EEA1: variants seen among roughly 807,000 people sequenced by gnomAD.
EEA1 encodes the protein early endosome antigen 1.
Under a neutral mutation model 209.2 loss-of-function variants are expected in EEA1, and 111 were observed. The ratio of observed to expected loss-of-function variants is 0.53; its 90% CI spans 0.45 to 0.62. The LOEUF (loss-of-function observed/expected upper bound fraction) is 0.62. Ranked by LOEUF, EEA1 falls within the 20% of genes least tolerant of loss-of-function variation. The pLI is 0.00. For missense variants in EEA1, 1,343 were observed against 1,530.8 expected (o/e 0.88, Z 2.05); for synonymous variants, 536 against 540.6 (o/e 0.99, Z 0.12).
chr12:92,775,989 A>T lies in EEA1; in HGVS notation c.*22T>A. 1 of 1,606,526 alleles carries T rather than the reference A, an allele frequency of 6.2e-7. No homozygotes were observed. Among genetic ancestry groups the T allele is most frequent in the Non-Finnish European group, 8.5e-7 (1 of 1,175,964 alleles). ...AAAAATCTAATGTTAGTGTAATATT[A>T]CTCTGAAGTTGTGATAACCCATTAT... On this transcript the variant is annotated 3_prime_UTR_variant, in exon 29 of 29. Coordinates refer to ENST00000322349, the MANE Select transcript of EEA1 (RefSeq NM_003566.4).
intron 1 of EEA1, among the ~76,000 whole-genome samples, chr12:92,914,686 A>C (rs1326967747): frequency 1.3e-5 from 2 of 150,658 alleles, no homozygotes; most frequent in Non-Finnish European, 3.0e-5. Flanking sequence ...TTTTTTGAGA[A>C]GGAGTCTCGC....
At chr12:92,923,465 A>C (rs1881091378) in intron 1 of EEA1, among the ~76,000 whole-genome samples, 1 of 151,888 alleles carries the variant, frequency 6.6e-6, no homozygotes, top group African/African-American at 2.4e-5. Context: ...CAATCCCCCT[A>C]CTCTATACTA....
At chr12:92,879,440 A>G (rs1879046703) in intron 2 of EEA1, 1 of 386,140 alleles carries the variant, frequency 2.6e-6, no homozygotes, top group African/African-American at 2.2e-5. Context: ...ACATTCAAAA[A>G]TCAATGTAAA....
Position 92,853,941 on chromosome 12 carries a change from T to A in EEA1, c.380A>T (p.Asp127Val), listed in dbSNP as rs771533528. 2.5e-6 allele frequency: 4 copies of A among 1,596,398 alleles called. No individual in the cohort carries two copies. The African/African-American group carries it at 5.4e-5, about 22-fold the overall frequency. ...TGCTGATGAATCAGTCACCAACCCA[T>A]CAGGTTTGGCCTCCTCAATTAAAAC... ...QGLQQQEAKP[D>V]GLVTDSSAEL... The change falls in exon 6 of 29, where the codon GAT becomes GTT. Residue 127 changes from aspartate to valine, a missense_variant. Coordinates refer to ENST00000322349, the MANE Select transcript of EEA1 (RefSeq NM_003566.4).
Position 92,777,966 on chromosome 12 carries a change from C to G in EEA1, c.3868G>C (p.Asp1290His), listed in dbSNP as rs1180225008. The change falls in exon 26 of 29, where the codon GAT becomes CAT. Residue 1290 changes from aspartate to histidine, a missense_variant. Physicochemically the swap from Asp to His is moderately conservative, Grantham distance 81. This residue lies in a region of EEA1 where 1,307 missense variants were observed against 1,465.5 expected (regional missense o/e 0.89). Transcript: ENST00000322349. ...CTTTCCAGTAGTGCTCTCCTTTCAT[C>G]TTGATTATTCTGAACCGTTGCTTCT... ...VLEATVQNNQ[D>H]ERRALLERCL... is the part of the protein sequence containing the mutation. 5 of 1,613,218 alleles carry G rather than the reference C, an allele frequency of 3.1e-6. No homozygotes were observed. The Admixed American group carries it at 8.3e-5, about 27-fold the overall frequency.
At chr12:92,879,347 G>T (rs1182795183) in intron 2 of EEA1, 1 of 450,788 alleles carries the variant, frequency 2.2e-6, no homozygotes, top group South Asian at 1.6e-5. Flanking sequence ...TGAATTTTCA[G>T]ATTAGGGATG....
chr12:92,817,011 GC>G (rs1200109376), intron 14 of EEA1, among the ~76,000 whole-genome samples: 11 of 151,080 alleles, frequency 7.3e-5, no homozygotes, highest in African/African-American at 2.5e-4. Context: ...AGTTCACCAA[GC>G]TTTTTGACCA....
At chr12:92,850,991 T>C (rs1391801248) in intron 9 of EEA1, 120 bp downstream of exon 9, 2 of 956,786 alleles carry the variant, frequency 2.1e-6, no homozygotes, top group South Asian at 2.0e-5. Flanking sequence ...AGATCAAAAA[T>C]GAAAGAAAGA....
At chr12:92,870,662 CTTT>C (rs1169072620) in intron 2 of EEA1, among the ~76,000 whole-genome samples, 1 of 144,288 alleles carries the variant, frequency 6.9e-6, no homozygotes, top group African/African-American at 2.5e-5. Flanking sequence ...AGTCTTTTTC[CTTT>C]TTTTTTTTTG....
intron 13 of EEA1, 132 bp from the exon 14 acceptor site, chr12:92,819,643 A>G: frequency 1.8e-6 from 1 of 563,170 alleles, no homozygotes; most frequent in South Asian, 3.4e-5. Flanking sequence ...ATTACATTTC[A>G]ATATGGTAAA....
At chr12:92,831,408 T>C (rs1471637131) in intron 11 of EEA1, among the ~76,000 whole-genome samples, 1 of 150,222 alleles carries the variant, frequency 6.7e-6, no homozygotes, top group African/African-American at 2.4e-5. Context: ...GCCTTTAAGC[T>C]AGATTTACCT....
chr12:92,812,829 T>C, intron 16 of EEA1, 151 bp downstream of exon 16: 1 of 479,994 alleles, frequency 2.1e-6, no homozygotes, highest in Non-Finnish European at 3.6e-6. Flanking sequence ...CCCCCACTTT[T>C]ACTACTCAAC....
chr12:92,849,999 A>G (rs1377392774), intron 9 of EEA1, among the ~76,000 whole-genome samples: 2 of 152,248 alleles, frequency 1.3e-5, no homozygotes, highest in African/African-American at 4.8e-5. Context: ...ACATTTATGT[A>G]TTATACATCT....
At chr12:92,790,129 C>A (rs951959008) in intron 21 of EEA1, among the ~76,000 whole-genome samples, 1 of 152,212 alleles carries the variant, frequency 6.6e-6, no homozygotes, top group Non-Finnish European at 1.5e-5. Flanking sequence ...ACCTGTAGGT[C>A]ACCAACATCA....
intron 1 of EEA1, among the ~76,000 whole-genome samples, chr12:92,919,501 GA>G (rs1880899985): frequency 6.9e-6 from 1 of 144,116 alleles, no homozygotes; most frequent in Non-Finnish European, 1.5e-5. Context: ...AAAACCACAT[GA>G]TTATCTCAAT....
chr12:92,887,876 G>A (rs150566711), intron 2 of EEA1, among the ~76,000 whole-genome samples: 86 of 151,864 alleles, frequency 5.7e-4, no homozygotes, highest in African/African-American at 1.6e-3. Flanking sequence ...GATAATCACC[G>A]AGAATTTTCC....
intron 10 of EEA1, among the ~76,000 whole-genome samples, chr12:92,835,154 T>A (rs1876860130): frequency 6.6e-6 from 1 of 152,146 alleles, no homozygotes. Context: ...GTGCTGGGAT[T>A]ATAGGCCTGA....
At chr12:92,910,837 G>A (rs1880556985) in intron 1 of EEA1, among the ~76,000 whole-genome samples, 2 of 152,128 alleles carry the variant, frequency 1.3e-5, no homozygotes, top group South Asian at 4.1e-4. Flanking sequence ...TAATAGACAG[G>A]CATCTTACAA....
Position 92,819,377 on chromosome 12 carries a change from A to C in EEA1, c.1659T>G (p.Ile553Met), listed in dbSNP as rs1875944874. 6.2e-7 allele frequency: 1 copy of C among 1,612,972 alleles called. No homozygotes were observed. ...EKEREDLYAK[I>M]QAGEGETAVL... ...CAGCAGTCTCTCCTTCACCAGCCTG[A>C]ATTTTTGCATAAAGATCTTCTCTTT... The change falls in exon 14 of 29, where the codon ATT becomes ATG. Residue 553 changes from isoleucine (I) to methionine (M), a missense_variant. Ile to Met is a conservative substitution (Grantham distance 10, BLOSUM62 1). Coordinates refer to ENST00000322349, the MANE Select transcript of EEA1 (RefSeq NM_003566.4).
Sources: allele counts gnomAD v4.1 joint callset (sites outside exome capture counted in the v4.1 genomes callset), GRCh38; gene constraint gnomAD v4.1.1; regional missense constraint gnomAD v4.1.1; transcripts MANE v1.5; gene names NCBI Gene and HGNC (gene_info 2026-07-23, HGNC 2026-07-21).